TMEM50A: variants seen among roughly 807,000 people sequenced by gnomAD.
TMEM50A encodes transmembrane protein 50A.
TMEM50A carries 8 observed loss-of-function variants against 23.9 expected under a neutral mutation model. That is an observed-to-expected ratio of 0.33 (90% CI 0.20 to 0.60). The LOEUF is 0.60. Among genes scored for constraint, TMEM50A ranks in the 20% least tolerant of loss-of-function variants. The pLI is 0.81. For missense variants in TMEM50A, 178 were observed against 192.7 expected, an observed-to-expected ratio of 0.92 and a Z score of 0.45; for synonymous variants, 55 against 60.4, an observed-to-expected ratio of 0.91 and a Z score of 0.41.
In TMEM50A at chr1:25,345,205, G is replaced by A. The variant is rs185035900; in HGVS notation, c.206+2132G>A. On this transcript the variant is annotated intron_variant, in intron 3 of 6. Transcript: ENST00000374358. ...CACGCCTGTAATCCCAACACTTTGGGAGGCCAAGGCGGGCAGACCACCTGA... is the reference window on the plus strand; with the variant it reads ...CACGCCTGTAATCCCAACACTTTGGAAGGCCAAGGCGGGCAGACCACCTGA... 1.3e-4 allele frequency among the ~76,000 whole-genome samples: 20 copies of A among 151,892 alleles called. No homozygotes were observed. In the East Asian group the frequency reaches 3.9e-3, roughly 29 times the overall value.
intron 2 of TMEM50A, among the ~76,000 whole-genome samples, chr1:25,342,380 A>G (rs954617078): frequency 2.6e-5 from 4 of 152,206 alleles, no homozygotes; most frequent in Middle Eastern, 3.2e-3. Flanking sequence ...TGCCCTTGAT[A>G]ATATCTAGAG....
At chr1:25,353,843 A>G (rs901940907) in intron 5 of TMEM50A, among the ~76,000 whole-genome samples, 1 of 152,188 alleles carries the variant, frequency 6.6e-6, no homozygotes. Context: ...ACCAGGTTAT[A>G]TATATTCTGC....
rs868214622 is a variant in TMEM50A at position 25,360,894 on chromosome 1, G to C, written c.*189G>C. The C allele has an allele frequency of 8.8e-6, 4 of 454,658 alleles. No individual in the cohort carries two copies. The South Asian group carries it at 2.1e-4, about 23-fold the overall frequency. 28.2% of individuals were successfully genotyped at this position (454,658 alleles called of 1,614,324 possible). On this transcript the variant is annotated 3_prime_UTR_variant, in exon 7 of 7. Coordinates refer to ENST00000374358, the MANE Select transcript of TMEM50A (RefSeq NM_014313.4). The stretch of plus-strand genomic sequence containing the variant: ...CAAAAATCTATTGTGGTATGCACTT[G>C]ATTAACTTATAAAATGTTAGAGGAA...
intron 3 of TMEM50A, 129 bp downstream of exon 3, chr1:25,343,202 C>A: frequency 1.5e-6 from 1 of 681,156 alleles, no homozygotes; most frequent in Non-Finnish European, 2.4e-6. Flanking sequence ...TTAAAAGTCA[C>A]ACAGTAGAGA....
chr1:25,350,069 A>G (rs1461887335), intron 3 of TMEM50A, among the ~76,000 whole-genome samples: 1 of 152,256 alleles, frequency 6.6e-6, no homozygotes, highest in Non-Finnish European at 1.5e-5. Flanking sequence ...TAGAGCCTGT[A>G]TCAAGGATTT....
chr1:25,352,929 C>G lies in TMEM50A; in HGVS notation c.322C>G (p.Leu108Val). ...FVGFMLAFGS[L>V]IASMWILFGG... ...TGGTTTCATGTTGGCCTTTGGATCT[C>G]TGATTGCATCTATGTGGATTCTTTT... Residue 108 changes from leucine to valine, a missense_variant, in exon 5 of 7, where the codon CTG becomes GTG. Leu to Val is a conservative substitution (Grantham distance 32). Coordinates refer to ENST00000374358, the MANE Select transcript of TMEM50A (RefSeq NM_014313.4). 1.9e-6 allele frequency: 3 copies of G among 1,613,768 alleles called. No individual in the cohort carries two copies. Among genetic ancestry groups the G allele is most frequent in the Non-Finnish European group, 2.5e-6 (3 of 1,179,918 alleles).
chr1:25,356,975 T>A (rs1645339905), intron 6 of TMEM50A, 122 bp downstream of exon 6: 1 of 675,318 alleles, frequency 1.5e-6, no homozygotes, highest in African/African-American at 1.9e-5. Context: ...GATATTTTCA[T>A]AAAACATGGA....
intron 3 of TMEM50A, among the ~76,000 whole-genome samples, chr1:25,349,299 C>G (rs1009218774): frequency 6.6e-6 from 1 of 152,140 alleles, no homozygotes; most frequent in Non-Finnish European, 1.5e-5. Context: ...ATAATCATAG[C>G]AGAGAACAAA....
chr1:25,342,898 T>C, intron 2 of TMEM50A, 63 bp from the exon 3 acceptor site: 3 of 1,369,962 alleles, frequency 2.2e-6, no homozygotes, highest in Non-Finnish European at 2.0e-6. Flanking sequence ...CTTAAATACC[T>C]TGCTTTTAGC....
In TMEM50A at chr1:25,360,848, C is replaced by T. The variant is rs1645393491; in HGVS notation, c.*143C>T. On this transcript the variant is annotated 3_prime_UTR_variant, in exon 7 of 7. Transcript: ENST00000374358. ...TTAAAGTTGTGTAATACTAAAATCA[C>T]GAGAACACCTAAACAACAACCAAAA... 5 of 768,810 alleles carry T rather than the reference C, an allele frequency of 6.5e-6. No individual in the cohort carries two copies. The highest frequency in any genetic ancestry group is 3.9e-5 in the South Asian group (2 of 50,898). The allele number at this position is 768,810 out of a possible 1,614,324, so 47.6% of individuals were successfully genotyped here. A position where few individuals can be genotyped will look rare whatever the true frequency, so the allele number is the denominator to read the frequency against.
At chr1:25,340,736 A>T (rs1235333873) in intron 2 of TMEM50A, among the ~76,000 whole-genome samples, 157 bp downstream of exon 2, 1 of 152,180 alleles carries the variant, frequency 6.6e-6, no homozygotes, top group African/African-American at 2.4e-5. Context: ...TATTAGTTCC[A>T]CTTTAAGAGT....
At chr1:25,347,382 C>A (rs1413486409) in intron 3 of TMEM50A, among the ~76,000 whole-genome samples, 1 of 152,018 alleles carries the variant, frequency 6.6e-6, no homozygotes, top group African/African-American at 2.4e-5. Flanking sequence ...ATTACAGACG[C>A]CCACCACTGT....
intron 3 of TMEM50A, among the ~76,000 whole-genome samples, chr1:25,350,927 C>T (rs1263496665): frequency 2.0e-5 from 3 of 151,402 alleles, no homozygotes; most frequent in African/African-American, 7.3e-5. Flanking sequence ...TTTGGGAGGC[C>T]GAGGCGGGCG....
At chr1:25,359,297 T>C (rs2124266507) in intron 6 of TMEM50A, among the ~76,000 whole-genome samples, 1 of 152,336 alleles carries the variant, frequency 6.6e-6, no homozygotes, top group African/African-American at 2.4e-5. Context: ...CCATGGTGGA[T>C]TCTTCCTTGT....
At chr1:25,339,909 T>G (rs1645149356) in intron 1 of TMEM50A, among the ~76,000 whole-genome samples, 1 of 152,218 alleles carries the variant, frequency 6.6e-6, no homozygotes, top group African/African-American at 2.4e-5. Flanking sequence ...TAATACTGCT[T>G]AAATATATCC....
rs200762327 is a variant in TMEM50A, at chr1:25,361,009, A to T, written c.*304A>T. On this transcript the variant is annotated 3_prime_UTR_variant, in exon 7 of 7. Transcript: ENST00000374358. ...TACAAAAGAAATTATGGATTTGTCAATGTAAGTATTTGTCATATCTGAGGT... is the reference window on the plus strand; with the variant it reads ...TACAAAAGAAATTATGGATTTGTCATTGTAAGTATTTGTCATATCTGAGGT... The T allele has an allele frequency of 1.1e-5, 3 of 280,268 alleles. No homozygotes were observed. The highest frequency in any genetic ancestry group is 2.0e-5 in the Non-Finnish European group (3 of 147,692). 17.4% of individuals were successfully genotyped at this position (280,268 alleles called of 1,614,324 possible).
chr1:25,352,790 T>C (rs1485217354), intron 4 of TMEM50A, 92 bp from the exon 5 acceptor site: 1 of 1,218,980 alleles, frequency 8.2e-7, no homozygotes, highest in Non-Finnish European at 1.2e-6. Flanking sequence ...AGTTGCACTT[T>C]TTTTTTTTCT....
At chr1:25,357,754 C>T (rs1645350583) in intron 6 of TMEM50A, among the ~76,000 whole-genome samples, 1 of 152,074 alleles carries the variant, frequency 6.6e-6, no homozygotes, top group Non-Finnish European at 1.5e-5. Context: ...TCTCCTGCCT[C>T]AGCCTCCCGT....
chr1:25,356,857 A>G lies in TMEM50A; in HGVS notation c.428+4A>G. On this transcript the variant is annotated splice_donor_region_variant and intron_variant, in intron 6 of 6. Transcript: ENST00000374358. ...AGAATGCCTTCATCTTTTTTGGGTA[A>G]GTTTGTTTTGCATTCTTTATGTTTG... 1 of 1,586,178 alleles carries G rather than the reference A, an allele frequency of 6.3e-7. No individual in the cohort carries two copies. Among genetic ancestry groups the G allele is most frequent in the South Asian group, 1.2e-5 (1 of 85,516 alleles).
Sources: gnomAD v4.1 joint callset for allele counts (sites outside exome capture counted in the v4.1 genomes callset) on GRCh38, gnomAD v4.1.1 for gene constraint, MANE v1.5 for transcripts, NCBI Gene and HGNC (gene_info 2026-07-23, HGNC 2026-07-21) for gene names.